Variants in UST observed in about 807,000 individuals in gnomAD.
UST encodes the protein uronyl 2-sulfotransferase, also known as chondroitin sulfate 2-O-sulfotransferase.
A neutral mutation model predicts 45.6 loss-of-function variants in UST; 21 were observed. That is an observed-to-expected ratio of 0.46 (90% CI 0.33 to 0.66). UST has a LOEUF of 0.66. UST is among the 30% of genes least tolerant of loss of function. The pLI, the probability that UST is intolerant of heterozygous loss-of-function variation, is 0.02. For missense variants in UST, 463 were observed against 512.4 expected (o/e 0.90, Z 0.93); for synonymous variants, 215 against 200.6 (o/e 1.07, Z -0.61).
At chr6:148,960,169 A>T (rs1780620782) in intron 4 of UST, among the ~76,000 whole-genome samples, 1 of 152,126 alleles carries the variant, frequency 6.6e-6, no homozygotes, top group African/African-American at 2.4e-5. Context: ...GGCGCCTGTA[A>T]TCCCAACTAC....
chr6:148,877,334 G>T (rs1201521917), intron 1 of UST, among the ~76,000 whole-genome samples: 1 of 91,144 alleles, frequency 1.1e-5, no homozygotes, highest in Non-Finnish European at 2.2e-5. Context: ...GTGTACAAGT[G>T]TGGGGGGTCA....
intron 3 of UST, among the ~76,000 whole-genome samples, chr6:148,944,528 CA>C (rs1780195323): frequency 2.6e-5 from 4 of 151,864 alleles, no homozygotes; most frequent in Non-Finnish European, 5.9e-5. Flanking sequence ...CACACACACA[CA>C]CACACACACA....
intron 1 of UST, among the ~76,000 whole-genome samples, chr6:148,878,784 G>C (rs939709892): frequency 6.6e-6 from 1 of 151,672 alleles, no homozygotes; most frequent in African/African-American, 2.4e-5. Flanking sequence ...ATGAGTGTGG[G>C]GATCAGGTAT....
At chr6:148,972,258 G>A (rs557687489) in intron 5 of UST, among the ~76,000 whole-genome samples, 6 of 152,302 alleles carry the variant, frequency 3.9e-5, no homozygotes, top group African/African-American at 1.4e-4. Flanking sequence ...TGTTGGGAGC[G>A]GCTTCCCAGA....
At chr6:148,964,794 G>A (rs1240731904) in intron 5 of UST, 2 of 560,644 alleles carry the variant, frequency 3.6e-6, no homozygotes, top group African/African-American at 3.8e-5. Flanking sequence ...GCTTTGCTCA[G>A]TTGTCTTTAG....
At chr6:148,952,408 A>C (rs1780383536) in intron 3 of UST, among the ~76,000 whole-genome samples, 1 of 152,228 alleles carries the variant, frequency 6.6e-6, no homozygotes, top group Non-Finnish European at 1.5e-5. Context: ...TGACTAACAG[A>C]AGCACAGGGT....
rs57316536 is a variant in UST, at chr6:148,769,750, T to TTGTGTGTG, written c.247+22099_247+22106dup. ...AGTATAGGAATGTAGGAGCCTGTGTTTGTGTGTGTGTGTGTGTGTGTGTGT... is the reference window on the plus strand; with the variant it reads ...AGTATAGGAATGTAGGAGCCTGTGTTTGTGTGTGTGTGTGTGTGTGTGTGTGTGTGTGT... On this transcript the variant is annotated intron_variant, in intron 1 of 7. Coordinates refer to ENST00000367463, the MANE Select transcript of UST (RefSeq NM_005715.3). 6.5e-3 allele frequency among the ~76,000 whole-genome samples: 959 copies of TTGTGTGTG among 148,218 alleles called. 10 individuals are homozygous for TTGTGTGTG. The highest frequency in any genetic ancestry group is 0.022 in the African/African-American group (893 of 40,578).
rs369155485 is a variant in UST at position 148,772,266 on chromosome 6, G to A, written c.247+24589G>A. Among the ~76,000 whole-genome samples, 56 of 152,304 alleles carry A rather than the reference G, an allele frequency of 3.7e-4. No individual in the cohort carries two copies. The East Asian group carries it at 8.9e-3, about 24-fold the overall frequency. ...AGGAACAGGATAGCAGTCAGTTGAA[G>A]GATGCTATGTGCCCAAGGTATAACA... is the stretch of plus-strand genomic sequence containing the variant. On this transcript the variant is annotated intron_variant, in intron 1 of 7. Coordinates refer to ENST00000367463, the MANE Select transcript of UST (RefSeq NM_005715.3).
At chr6:148,870,086 C>T (rs973642908) in intron 1 of UST, among the ~76,000 whole-genome samples, 1 of 128,812 alleles carries the variant, frequency 7.8e-6, no homozygotes, top group African/African-American at 3.0e-5. Flanking sequence ...TTTCCCCCAG[C>T]TTCACAGTGG....
intron 1 of UST, among the ~76,000 whole-genome samples, chr6:148,886,422 G>A (rs938622990): frequency 7.2e-5 from 11 of 152,154 alleles, no homozygotes; most frequent in African/African-American, 2.7e-4. Context: ...AACAATAGCC[G>A]TGCACTCTGA....
At chr6:149,039,989 C>T (rs1019370982) in intron 7 of UST, among the ~76,000 whole-genome samples, 3 of 152,266 alleles carry the variant, frequency 2.0e-5, no homozygotes, top group Admixed American at 6.5e-5. Context: ...GGTTACTCAC[C>T]GAGCGTGTCT....
At chr6:148,970,465 A>G (rs927420527) in intron 5 of UST, among the ~76,000 whole-genome samples, 1 of 152,178 alleles carries the variant, frequency 6.6e-6, no homozygotes, top group Non-Finnish European at 1.5e-5. Context: ...TGAAGATCAA[A>G]CCACAAATAA....
intron 5 of UST, among the ~76,000 whole-genome samples, chr6:148,983,545 T>TA (rs1781178930): frequency 6.6e-6 from 1 of 152,230 alleles, no homozygotes; most frequent in African/African-American, 2.4e-5. Flanking sequence ...TTTGAGTTGT[T>TA]ACGGCTGGAG....
chr6:148,895,502 C>T (rs190192034), intron 2 of UST, among the ~76,000 whole-genome samples: 13 of 152,146 alleles, frequency 8.5e-5, no homozygotes, highest in African/African-American at 1.9e-4. Context: ...CCTAACTAAC[C>T]GTTAGGCTAA....
chr6:148,842,561 C>A (rs1012814396), intron 1 of UST, among the ~76,000 whole-genome samples: 7 of 152,160 alleles, frequency 4.6e-5, no homozygotes, highest in African/African-American at 1.7e-4. Flanking sequence ...TAGAAGGGAG[C>A]TAGGGAGTAC....
chr6:148,983,707 G>A (rs1033026769), intron 5 of UST, among the ~76,000 whole-genome samples: 5 of 152,196 alleles, frequency 3.3e-5, no homozygotes, highest in East Asian at 1.9e-4. Context: ...TGAAAAGAGC[G>A]TATGTTAAGT....
At chr6:148,808,813 A>G (rs535304429) in intron 1 of UST, among the ~76,000 whole-genome samples, 6 of 152,286 alleles carry the variant, frequency 3.9e-5, no homozygotes, top group African/African-American at 1.4e-4. Context: ...TAGTGCCTTT[A>G]TTAGAAGAAG....
At chr6:149,036,329 T>C (rs1366173750) in intron 7 of UST, among the ~76,000 whole-genome samples, 1 of 152,244 alleles carries the variant, frequency 6.6e-6, no homozygotes, top group African/African-American at 2.4e-5. Context: ...TCGTCAGCAC[T>C]TCAGACTCTC....
chr6:148,985,947 A>G (rs766208386), intron 5 of UST, among the ~76,000 whole-genome samples: 11 of 152,380 alleles, frequency 7.2e-5, no homozygotes, highest in Non-Finnish European at 1.3e-4. Context: ...AGGAAGAGCC[A>G]TCAAACCCAT....
Sources: allele counts gnomAD v4.1 joint callset (sites outside exome capture counted in the v4.1 genomes callset), GRCh38; gene constraint gnomAD v4.1.1; transcripts MANE v1.5; gene names NCBI Gene and HGNC (gene_info 2026-07-23, HGNC 2026-07-21).